The following IL1RAPL1 variants were observed in gnomAD, a reference collection of about 807,000 sequenced individuals.
IL1RAPL1 encodes the protein interleukin-1 receptor accessory protein-like 1.
IL1RAPL1 carries 3 observed loss-of-function variants against 48.4 expected under a neutral mutation model. The observed-to-expected ratio is 0.06, with a 90% CI of 0.03 to 0.16. IL1RAPL1 has a LOEUF of 0.16. Among genes scored for constraint, IL1RAPL1 ranks in the 10% least tolerant of loss-of-function variants. The pLI is 1.00. For missense variants in IL1RAPL1, 349 were observed against 530.6 expected, an observed-to-expected ratio of 0.66 and a Z score of 3.36; for synonymous variants, 185 against 187.7, an observed-to-expected ratio of 0.99 and a Z score of 0.12.
chrX:29,557,366 T>G (rs766879294), intron 5 of IL1RAPL1, among the ~76,000 whole-genome samples: 6 of 111,775 alleles, frequency 5.4e-5, no homozygotes, highest in African/African-American at 1.9e-4. Context: ...GAATCCCACT[T>G]TTTTCAGTTT....
At chrX:29,315,961 TA>T (rs1186923911) in intron 3 of IL1RAPL1, among the ~76,000 whole-genome samples, 1 of 111,620 alleles carries the variant, frequency 9.0e-6, no homozygotes, top group Non-Finnish European at 1.9e-5. Flanking sequence ...AGGTTGTAAC[TA>T]TAGGGGCAGG....
chrX:28,797,467 G>T (rs183977941), intron 2 of IL1RAPL1, among the ~76,000 whole-genome samples: 1 of 111,058 alleles, frequency 9.0e-6, no homozygotes, highest in Non-Finnish European at 1.9e-5. Context: ...AATTTCTTCC[G>T]CTAGATACCC....
rs1479129338 is a variant in IL1RAPL1, at chrX:29,956,663, A to G, written c.*843A>G. On this transcript the variant is annotated 3_prime_UTR_variant, in exon 11 of 11. Transcript: ENST00000378993. ...TGAGTTGATGTACCCTTATATATAT[A>G]TACATATATATATAAATATAAATAT... 2.0e-5 allele frequency: 2 copies of G among 102,362 alleles called. No homozygotes were observed. The highest frequency in any genetic ancestry group is 7.1e-5 in the African/African-American group (2 of 28,345). 8.4% of individuals were successfully genotyped at this position (102,362 alleles called of 1,213,427 possible). A position where few individuals can be genotyped will look rare whatever the true frequency, so the allele number is the denominator to read the frequency against.
chrX:29,862,123 G>T (rs980967809), intron 6 of IL1RAPL1, among the ~76,000 whole-genome samples: 1 of 107,177 alleles, frequency 9.3e-6, no homozygotes, highest in Non-Finnish European at 1.9e-5. Context: ...CACACCAACT[G>T]CAGTCCAGCC....
intron 3 of IL1RAPL1, among the ~76,000 whole-genome samples, chrX:29,333,272 G>C (rs1282331358): frequency 7.6e-4 from 83 of 108,786 alleles, no homozygotes; most frequent in Non-Finnish European, 2.3e-4. Context: ...CTGGCCGGGC[G>C]GGGGGCTGAC....
intron 6 of IL1RAPL1, among the ~76,000 whole-genome samples, chrX:29,808,488 C>T (rs1199255094): frequency 9.0e-6 from 1 of 111,306 alleles, no homozygotes; most frequent in Non-Finnish European, 1.9e-5. Context: ...CATCACCGCT[C>T]CATGTGTGCT....
At chrX:29,632,152 C>CTTT (rs1268652852) in intron 5 of IL1RAPL1, among the ~76,000 whole-genome samples, 1 of 102,177 alleles carries the variant, frequency 9.8e-6, no homozygotes, top group African/African-American at 3.5e-5. Context: ...TTGGTTGTAA[C>CTTT]TTTTTTTTTT....
rs747601421 is a variant in IL1RAPL1, at chrX:29,230,522, A to ACAAAAAAC, written c.83-52416_83-52415insCAAAAAAC. ...CCTTTACCAAAAAAAAAAAAAAAAA[A>ACAAAAAAC]AAAAAAAAAAAAACCTTGTTGTCTC... is the stretch of plus-strand genomic sequence containing the variant. On this transcript the variant is annotated intron_variant, in intron 2 of 10. Transcript: ENST00000378993. Among the ~76,000 whole-genome samples the ACAAAAAAC allele has an allele frequency of 9.4e-4, 85 of 90,823 alleles. 1 individual carries two copies. In the East Asian group the frequency reaches 0.02, roughly 21 times the overall value. The allele number at this position is 90,823 out of a possible 115,157, so 78.9% of individuals were successfully genotyped here.
intron 2 of IL1RAPL1, among the ~76,000 whole-genome samples, chrX:28,978,242 G>A (rs984140297): frequency 9.0e-6 from 1 of 111,314 alleles, no homozygotes; most frequent in African/African-American, 3.3e-5. Flanking sequence ...GTCCGTCATC[G>A]GAACAAAGAC....
chrX:28,723,381 A>G (rs1225939837), intron 1 of IL1RAPL1, among the ~76,000 whole-genome samples: 6 of 111,457 alleles, frequency 5.4e-5, no homozygotes, highest in Admixed American at 3.8e-4. Flanking sequence ...TTATTTGCAT[A>G]GAGGTGTTTA....
chrX:29,675,030 T>A (rs1285903571), intron 6 of IL1RAPL1, among the ~76,000 whole-genome samples: 2 of 112,396 alleles, frequency 1.8e-5, no homozygotes, highest in Non-Finnish European at 3.8e-5. Context: ...GCAATGAACA[T>A]ATGCATTCAT....
At chrX:29,429,271 C>T (rs929553597) in intron 5 of IL1RAPL1, among the ~76,000 whole-genome samples, 1 of 112,012 alleles carries the variant, frequency 8.9e-6, no homozygotes, top group Non-Finnish European at 1.9e-5. Context: ...CTGTCTGTTC[C>T]ACTAGACCTG....
chrX:29,648,419 A>C (rs1208389316), intron 5 of IL1RAPL1, among the ~76,000 whole-genome samples: 2 of 112,008 alleles, frequency 1.8e-5, no homozygotes, highest in Non-Finnish European at 3.8e-5. Context: ...GCTTTAGAAG[A>C]CTGAAGTAAT....
chrX:29,389,348 T>TC (rs1405656011), intron 3 of IL1RAPL1, among the ~76,000 whole-genome samples: 2 of 66,776 alleles, frequency 3.0e-5, no homozygotes, highest in Non-Finnish European at 5.4e-5. Flanking sequence ...AGAGCGAGAC[T>TC]CCATCTCAAA....
intron 6 of IL1RAPL1, among the ~76,000 whole-genome samples, chrX:29,915,067 G>A (rs977842367): frequency 5.5e-5 from 6 of 109,982 alleles, no homozygotes; most frequent in Non-Finnish European, 7.5e-5. Context: ...AGGCCAAGGC[G>A]GGCAGATCAC....
At chrX:29,655,215 C>T (rs965497970) in intron 5 of IL1RAPL1, among the ~76,000 whole-genome samples, 3 of 112,057 alleles carry the variant, frequency 2.7e-5, no homozygotes, top group Admixed American at 9.5e-5. Context: ...TAGCTTAGTC[C>T]TAATGAAGTA....
intron 2 of IL1RAPL1, among the ~76,000 whole-genome samples, chrX:29,126,692 A>G (rs1186620698): frequency 1.8e-5 from 2 of 112,501 alleles, no homozygotes; most frequent in Non-Finnish European, 1.9e-5. Context: ...TATCTCCTGT[A>G]CTTGCTTCTT....
chrX:29,481,032 T>C (rs1428711221), intron 5 of IL1RAPL1, among the ~76,000 whole-genome samples: 1 of 112,300 alleles, frequency 8.9e-6, no homozygotes, highest in African/African-American at 3.2e-5. Context: ...CAATTTTAAA[T>C]TTTGTTGTTG....
intron 2 of IL1RAPL1, among the ~76,000 whole-genome samples, chrX:28,987,166 A>C (rs990708630): frequency 4.5e-5 from 5 of 112,216 alleles, no homozygotes; most frequent in African/African-American, 1.6e-4. Flanking sequence ...GTTTTCAAAG[A>C]GTGTCCTGAA....
Sources: allele counts gnomAD v4.1 joint callset (sites outside exome capture counted in the v4.1 genomes callset), GRCh38; gene constraint gnomAD v4.1.1; transcripts MANE v1.5; gene names NCBI Gene and HGNC (gene_info 2026-07-23, HGNC 2026-07-21).